Variants in KCNQ3 observed in about 807,000 individuals in gnomAD.
KCNQ3 encodes potassium voltage-gated channel subfamily KQT member 3.
In KCNQ3, 30 loss-of-function variants were observed where a neutral mutation model predicts 92.5. The observed-to-expected ratio is 0.32, with a 90% confidence interval of 0.24 to 0.44. The LOEUF is 0.44. KCNQ3 is among the 20% of genes least tolerant of loss of function. The pLI, the probability that KCNQ3 is intolerant of heterozygous loss-of-function variation, is 1.00. For missense variants in KCNQ3, 913 were observed against 1,140.3 expected, an observed-to-expected ratio of 0.80 and a Z score of 2.87; for synonymous variants, 450 against 468.8, an observed-to-expected ratio of 0.96 and a Z score of 0.52.
At chr8:132,432,590 C>T (rs1000044089) in intron 1 of KCNQ3, among the ~76,000 whole-genome samples, 8 of 152,150 alleles carry the variant, frequency 5.3e-5, no homozygotes, top group African/African-American at 1.9e-4. Context: ...ACTCCACAGG[C>T]AGAGTGACCC....
chr8:132,262,748 A>G (rs1268883124), intron 1 of KCNQ3, among the ~76,000 whole-genome samples: 1 of 151,882 alleles, frequency 6.6e-6, no homozygotes, highest in East Asian at 1.9e-4. Flanking sequence ...TGACACTGTT[A>G]CACCCGTCTT....
intron 1 of KCNQ3, among the ~76,000 whole-genome samples, chr8:132,247,230 T>A (rs1475009407): frequency 6.6e-6 from 1 of 152,198 alleles, no homozygotes; most frequent in African/African-American, 2.4e-5. Context: ...TTTAGTAATG[T>A]CTATGCATTT....
chr8:132,407,465 T>C (rs1820521483), intron 1 of KCNQ3, among the ~76,000 whole-genome samples: 1 of 152,202 alleles, frequency 6.6e-6, no homozygotes, highest in African/African-American at 2.4e-5. Flanking sequence ...TCAATGTGTG[T>C]AGCACTTCCT....
intron 1 of KCNQ3, among the ~76,000 whole-genome samples, chr8:132,408,422 G>A (rs769613023): frequency 2.6e-5 from 4 of 152,056 alleles, no homozygotes; most frequent in Admixed American, 6.5e-5. Flanking sequence ...GCTGGTGTTC[G>A]ACTCTCTACC....
intron 1 of KCNQ3, among the ~76,000 whole-genome samples, chr8:132,188,112 A>G (rs1827058128): frequency 6.6e-6 from 1 of 152,220 alleles, no homozygotes; most frequent in South Asian, 2.1e-4. Context: ...GTCTAAGCTT[A>G]AAAGGAAGCT....
intron 1 of KCNQ3, among the ~76,000 whole-genome samples, chr8:132,193,298 C>T (rs1385995694): frequency 1.3e-5 from 2 of 152,238 alleles, no homozygotes; most frequent in Non-Finnish European, 2.9e-5. Context: ...TCCTCACCTT[C>T]GGCCATCTTC....
Position 132,129,162 on chromosome 8 carries a change from G to T in KCNQ3, c.*100C>A. 7.0e-7 allele frequency: 1 copy of T among 1,422,872 alleles called. No homozygotes were observed. Among genetic ancestry groups the T allele is most frequent in the Non-Finnish European group, 9.7e-7 (1 of 1,035,182 alleles). 88.1% of individuals were successfully genotyped at this position (1,422,872 alleles called of 1,614,324 possible). On this transcript the variant is annotated 3_prime_UTR_variant, in exon 15 of 15. Transcript: ENST00000388996. The surrounding 1 kb of genome is among the most constrained non-coding windows in gnomAD (Gnocchi z 5.9). Reference sequence around the variant, plus strand: ...CACCACGCACACGCATGCATTTGATGCAGCCATTGGTGTCCCCGCTGGTAA... The same window carrying T: ...CACCACGCACACGCATGCATTTGATTCAGCCATTGGTGTCCCCGCTGGTAA...
chr8:132,402,816 G>T (rs901022555), intron 1 of KCNQ3, among the ~76,000 whole-genome samples: 4 of 151,960 alleles, frequency 2.6e-5, no homozygotes, highest in African/African-American at 9.7e-5. Context: ...AGGAGATCGA[G>T]ACTGTCCTGG....
chr8:132,413,180 G>A (rs1033704032), intron 1 of KCNQ3, among the ~76,000 whole-genome samples: 3 of 152,214 alleles, frequency 2.0e-5, no homozygotes, highest in African/African-American at 7.2e-5. Flanking sequence ...ATGATCTTAA[G>A]TTCCCCTTCT....
intron 1 of KCNQ3, among the ~76,000 whole-genome samples, chr8:132,221,284 A>ATGTG (rs1310892190): frequency 6.6e-6 from 1 of 152,186 alleles, no homozygotes; most frequent in Non-Finnish European, 1.5e-5. Context: ...ATACATGTGC[A>ATGTG]TGTGTCTTTA....
intron 1 of KCNQ3, among the ~76,000 whole-genome samples, chr8:132,352,360 T>C (rs1818899254): frequency 1.3e-5 from 2 of 152,130 alleles, no homozygotes. Flanking sequence ...GATCGTCTAG[T>C]GTGCAAGGAT....
chr8:132,443,885 C>G (rs534839895), intron 1 of KCNQ3, among the ~76,000 whole-genome samples: 1 of 152,244 alleles, frequency 6.6e-6, no homozygotes, highest in South Asian at 2.1e-4. Flanking sequence ...TACTCAACAA[C>G]TACTTTCACA....
intron 1 of KCNQ3, among the ~76,000 whole-genome samples, chr8:132,361,085 C>T (rs1819154753): frequency 6.6e-6 from 1 of 152,162 alleles, no homozygotes; most frequent in Non-Finnish European, 1.5e-5. Flanking sequence ...TTCCCAAATT[C>T]CAGCTTGTTT....
At chr8:132,218,468 TAAC>T (rs1814114761) in intron 1 of KCNQ3, among the ~76,000 whole-genome samples, 1 of 152,144 alleles carries the variant, frequency 6.6e-6, no homozygotes, top group Admixed American at 6.6e-5. Context: ...GATCTTCTAA[TAAC>T]AATAGACAGA....
chr8:132,448,010 T>C (rs1821726205), intron 1 of KCNQ3, among the ~76,000 whole-genome samples: 2 of 152,156 alleles, frequency 1.3e-5, no homozygotes, highest in Non-Finnish European at 2.9e-5. Context: ...GTGGGGGCTG[T>C]TGTGAGGATT....
chr8:132,242,763 C>A (rs565095512), intron 1 of KCNQ3, among the ~76,000 whole-genome samples: 2 of 152,304 alleles, frequency 1.3e-5, no homozygotes, highest in African/African-American at 4.8e-5. Flanking sequence ...TAATCTGAAT[C>A]CCCAGGGCTT....
Position 132,137,926 on chromosome 8 carries a change from C to T in KCNQ3, c.1659G>A (p.Gly553=). 1 of 1,613,990 alleles carries T rather than the reference C, an allele frequency of 6.2e-7. No individual in the cohort carries two copies. Among genetic ancestry groups the T allele is most frequent in the Middle Eastern group, 1.6e-4 (1 of 6,062 alleles). ...TTATCCTGGAAAGCATGTCGAGATGCCCGGCAGAATACTGCTCAATCACAT... is the reference window on the plus strand; with the variant it reads ...TTATCCTGGAAAGCATGTCGAGATGTCCGGCAGAATACTGCTCAATCACAT... ...VKDVIEQYSA[G]HLDMLSRIKY... The change falls in exon 12 of 15, where the codon GGG becomes GGA. Residue 553 remains glycine (G), a synonymous_variant. Transcript: ENST00000388996.
chr8:132,250,148 C>G lies in KCNQ3; in HGVS notation c.387-63967G>C, dbSNP rs558046722. On this transcript the variant is annotated intron_variant, in intron 1 of 14. Coordinates refer to ENST00000388996, the MANE Select transcript of KCNQ3 (RefSeq NM_004519.4). ...AAGGTCTCCTCAAGCATGGTCAGAG[C>G]GGACGCCGAGGCCGAGGAGGCACTG... 5.3e-5 allele frequency among the ~76,000 whole-genome samples: 8 copies of G among 152,308 alleles called. No individual in the cohort carries two copies. In the East Asian group the frequency reaches 1.6e-3, roughly 30 times the overall value.
rs1472863462 is a variant in KCNQ3 at position 132,121,528 on chromosome 8, C to A, written c.*7734G>T. On this transcript the variant is annotated 3_prime_UTR_variant, in exon 15 of 15. Transcript: ENST00000388996. ...AGGGGAACTATGGGGGTGGGAACTG[C>A]CCCCTCCTTGGAAAAGTATTCAGAG... 2.0e-5 allele frequency: 3 copies of A among 152,146 alleles called. No individual in the cohort carries two copies. Among genetic ancestry groups the A allele is most frequent in the African/African-American group, 7.2e-5 (3 of 41,430 alleles). 9.4% of individuals were successfully genotyped at this position (152,146 alleles called of 1,614,324 possible).
Sources: allele counts gnomAD v4.1 joint callset (sites outside exome capture counted in the v4.1 genomes callset), GRCh38; gene constraint gnomAD v4.1.1; non-coding constraint Gnocchi (gnomAD v3.1); transcripts MANE v1.5; gene names NCBI Gene and HGNC (gene_info 2026-07-23, HGNC 2026-07-21).